SDC1: variants seen among roughly 807,000 people sequenced by gnomAD.
SDC1 encodes the protein syndecan-1.
SDC1 carries 14 observed loss-of-function variants against 29.7 expected under a neutral mutation model. That is an observed-to-expected ratio of 0.47 (90% CI 0.31 to 0.74). The LOEUF (loss-of-function observed/expected upper bound fraction) is 0.74. Ranked by LOEUF, SDC1 falls within the 30% of genes least tolerant of loss-of-function variation. SDC1 has a pLI of 0.05. For missense variants in SDC1, 406 were observed against 400.3 expected, an observed-to-expected ratio of 1.01 and a Z score of -0.12; for synonymous variants, 204 against 175.5, an observed-to-expected ratio of 1.16 and a Z score of -1.29.
chr2:20,221,146 G>A (rs1677802593), intron 1 of SDC1, among the ~76,000 whole-genome samples: 1 of 152,184 alleles, frequency 6.6e-6, no homozygotes, highest in African/African-American at 2.4e-5. Context: ...GGTCCCAGCT[G>A]AAGTTCATGA....
intron 1 of SDC1, among the ~76,000 whole-genome samples, chr2:20,218,640 GACAC>G (rs3044218): frequency 1.7e-4 from 25 of 148,268 alleles, no homozygotes; most frequent in Non-Finnish European, 2.8e-4. Flanking sequence ...TAAACACACA[GACAC>G]ACACACACAC....
Position 20,225,061 on chromosome 2 carries a change from C to T in SDC1, c.-194G>A, listed in dbSNP as rs1373099209. ...TCCTCTCCGCTCGGCTCGGATTCGGCCCGCACCTCTCCCGCCGAGCTCCGC... is the reference window on the plus strand; with the variant it reads ...TCCTCTCCGCTCGGCTCGGATTCGGTCCGCACCTCTCCCGCCGAGCTCCGC... On this transcript the variant is annotated 5_prime_UTR_variant, in exon 1 of 5. Coordinates refer to ENST00000254351, the MANE Select transcript of SDC1 (RefSeq NM_002997.5). 6 of 595,114 alleles carry T rather than the reference C, an allele frequency of 1.0e-5. No homozygotes were observed. Among genetic ancestry groups the T allele is most frequent in the Non-Finnish European group, 4.7e-6 (2 of 425,854 alleles). The allele number at this position is 595,114 out of a possible 1,614,324, so 36.9% of individuals were successfully genotyped here.
chr2:20,220,664 C>G lies in SDC1; in HGVS notation c.66+4138G>C, dbSNP rs555816136. The stretch of plus-strand genomic sequence containing the variant: ...AATGACAGAATGAGGACAGGGAGAA[C>G]AGGTATCATGATGTCCGCTTTACAG... On this transcript the variant is annotated intron_variant, in intron 1 of 4. Transcript: ENST00000254351. Among the ~76,000 whole-genome samples the G allele has an allele frequency of 2.0e-5, 3 of 152,258 alleles. No individual in the cohort carries two copies. The East Asian group carries it at 5.8e-4, about 29-fold the overall frequency.
chr2:20,202,334 C>T lies in SDC1; in HGVS notation c.*432G>A, dbSNP rs769116277. 3 of 773,140 alleles carry T rather than the reference C, an allele frequency of 3.9e-6. No homozygotes were observed. The highest frequency in any genetic ancestry group is 2.3e-4 in the Middle Eastern group (1 of 4,406). The allele number at this position is 773,140 out of a possible 1,614,324, so 47.9% of individuals were successfully genotyped here. ...CCCCTGCCACTCAGCGGCCACCCCC[C>T]CAAGATGCTTGGTCCTACCAGTAAG... On this transcript the variant is annotated 3_prime_UTR_variant, in exon 5 of 5. Coordinates refer to ENST00000254351, the MANE Select transcript of SDC1 (RefSeq NM_002997.5).
chr2:20,209,088 C>T (rs1336253322), intron 1 of SDC1, among the ~76,000 whole-genome samples: 1 of 152,300 alleles, frequency 6.6e-6, no homozygotes, highest in East Asian at 1.9e-4. Context: ...ATCTCCATCT[C>T]AGCCATGCTG....
chr2:20,207,509 G>C (rs1677317468), intron 1 of SDC1: 7 of 443,468 alleles, frequency 1.6e-5, no homozygotes, highest in Non-Finnish European at 1.8e-5. Flanking sequence ...TTCCAGACCA[G>C]CCTGGCCAAC....
chr2:20,223,354 G>A, intron 1 of SDC1: 4 of 1,213,190 alleles, frequency 3.3e-6, no homozygotes, highest in Non-Finnish European at 4.3e-6. Flanking sequence ...GAGGGTCAGC[G>A]CTGCTGAGAC....
At chr2:20,211,619 C>A (rs1235873819) in intron 1 of SDC1, among the ~76,000 whole-genome samples, 2 of 152,234 alleles carry the variant, frequency 1.3e-5, no homozygotes, top group South Asian at 2.1e-4. Context: ...TCCCACCAGC[C>A]GGCCCGGCTG....
In SDC1 at chr2:20,212,237, T is replaced by C. The variant is rs543039135; in HGVS notation, c.67-6813A>G. Among the ~76,000 whole-genome samples the C allele has an allele frequency of 1.6e-3, 243 of 152,176 alleles. 1 individual carries two copies. Among genetic ancestry groups the C allele is most frequent in the African/African-American group, 5.3e-3 (220 of 41,530 alleles). The stretch of plus-strand genomic sequence containing the variant: ...CCAGGGAAAATGACCAGGTCCAACA[T>C]GGGGATAGTCTGGTGACAGTCTGGC... On this transcript the variant is annotated intron_variant, in intron 1 of 4. Transcript: ENST00000254351.
At position 20,202,015 on chromosome 2, in the gene SDC1, G is replaced by T; in HGVS notation, c.*751C>A. On this transcript the variant is annotated 3_prime_UTR_variant, in exon 5 of 5. Transcript: ENST00000254351. ...CCACCAGACAGATAGTCCATACCCT[G>T]TTGCACACATGAGCGACAAACTCAA... is the stretch of plus-strand genomic sequence containing the variant. 2.0e-6 allele frequency: 1 copy of T among 490,876 alleles called. No individual in the cohort carries two copies. Among genetic ancestry groups the T allele is most frequent in the Non-Finnish European group, 3.6e-6 (1 of 278,888 alleles). 30.4% of individuals were successfully genotyped at this position (490,876 alleles called of 1,614,324 possible).
chr2:20,204,049 G>C lies in SDC1; in HGVS notation c.391C>G (p.Leu131Val). ...ATPRPRETTQLPTTHLASTTT... is the reference protein window; with the variant it reads ...ATPRPRETTQVPTTHLASTTT... ...GTTGAGGCCAGATGAGTGGTCGGGA[G>C]CTGTGTGGTCTCCCTGGGTCGGGGG... The change falls in exon 3 of 5, where the codon CTC becomes GTC. Residue 131 changes from leucine (L) to valine (V), a missense_variant. Leu to Val is a conservative substitution (Grantham distance 32). Coordinates refer to ENST00000254351, the MANE Select transcript of SDC1 (RefSeq NM_002997.5). 6.2e-7 allele frequency: 1 copy of C among 1,612,298 alleles called. No homozygotes were observed.
intron 2 of SDC1, 48 bp downstream of exon 2, chr2:20,205,295 A>C: frequency 2.1e-6 from 3 of 1,415,236 alleles, no homozygotes; most frequent in Non-Finnish European, 3.0e-6. Context: ...GCCCACAGGC[A>C]TGACCTGTTG....
At chr2:20,221,987 A>T (rs1043655665) in intron 1 of SDC1, among the ~76,000 whole-genome samples, 9 of 152,344 alleles carry the variant, frequency 5.9e-5, no homozygotes, top group African/African-American at 2.2e-4. Context: ...AAGGGATTTT[A>T]TGCCTTTCAA....
intron 1 of SDC1, among the ~76,000 whole-genome samples, chr2:20,215,787 C>A (rs1677608539): frequency 6.6e-6 from 1 of 152,206 alleles, no homozygotes; most frequent in Non-Finnish European, 1.5e-5. Flanking sequence ...CGGATGTGAT[C>A]CAGGTGGGCT....
chr2:20,215,255 C>G (rs1302629051), intron 1 of SDC1, among the ~76,000 whole-genome samples: 1 of 152,260 alleles, frequency 6.6e-6, no homozygotes, highest in East Asian at 1.9e-4. Context: ...GCCCAGCAGG[C>G]CTGAGCCCCT....
At chr2:20,217,121 T>C (rs1014892409) in intron 1 of SDC1, among the ~76,000 whole-genome samples, 1 of 152,192 alleles carries the variant, frequency 6.6e-6, no homozygotes, top group African/African-American at 2.4e-5. Context: ...CCATAAAATG[T>C]CCTGCCTTAC....
rs1405801978 is a variant in SDC1, at chr2:20,224,377, C to A, written c.66+425G>T. Reference sequence around the variant, plus strand: ...TCGGCGGCGCTGGGGCGCAAGCCCGCGGGTCTGGTTTGAATTAGGGTCTGC... The same window carrying A: ...TCGGCGGCGCTGGGGCGCAAGCCCGAGGGTCTGGTTTGAATTAGGGTCTGC... On this transcript the variant is annotated intron_variant, in intron 1 of 4. Transcript: ENST00000254351. This position sits in a 1 kb window ranked among gnomAD's most constrained non-coding sequence, Gnocchi z 4.9. 1 of 151,984 alleles carries A rather than the reference C, an allele frequency of 6.6e-6. No individual in the cohort carries two copies. The highest frequency in any genetic ancestry group is 1.5e-5 in the Non-Finnish European group (1 of 68,386). 9.4% of individuals were successfully genotyped at this position (151,984 alleles called of 1,614,324 possible). A position where few individuals can be genotyped will look rare whatever the true frequency, so the allele number is the denominator to read the frequency against.
chr2:20,218,153 G>A (rs1180207452), intron 1 of SDC1, among the ~76,000 whole-genome samples: 1 of 152,228 alleles, frequency 6.6e-6, no homozygotes, highest in Non-Finnish European at 1.5e-5. Flanking sequence ...AGGACAGGAA[G>A]AACGACCCTT....
intron 4 of SDC1, 75 bp downstream of exon 4, chr2:20,203,012 C>G: frequency 6.4e-7 from 1 of 1,565,970 alleles, no homozygotes; most frequent in Non-Finnish European, 8.7e-7. Context: ...AAGCAGTGGC[C>G]TTGGCTGTGG....
Sources: allele counts gnomAD v4.1 joint callset (sites outside exome capture counted in the v4.1 genomes callset), GRCh38; gene constraint gnomAD v4.1.1; non-coding constraint Gnocchi (gnomAD v3.1); transcripts MANE v1.5; gene names NCBI Gene and HGNC (gene_info 2026-07-23, HGNC 2026-07-21).